AGBL1: variants seen among roughly 807,000 people sequenced by gnomAD.
The protein encoded by AGBL1 is cytosolic carboxypeptidase 4.
AGBL1 carries 130 observed loss-of-function variants against 118.9 expected under a neutral mutation model. The observed-to-expected ratio is 1.09, with a 90% CI of 0.95 to 1.26. The LOEUF (loss-of-function observed/expected upper bound fraction) is 1.26. Ranked by LOEUF, AGBL1 falls within the 50% of genes most tolerant of loss-of-function variation. AGBL1 has a pLI of 0.00. For synonymous variants in AGBL1, 555 were observed against 478.9 expected (o/e 1.16, Z -2.08); for missense variants, 1,584 against 1,298.1 (o/e 1.22, Z -3.38).
At chr15:86,413,381 G>T (rs2081648123) in intron 18 of AGBL1, among the ~76,000 whole-genome samples, 3 of 152,120 alleles carry the variant, frequency 2.0e-5, no homozygotes, top group African/African-American at 7.2e-5. Flanking sequence ...GCAAAGATAA[G>T]TTATTCATTA....
chr15:86,986,621 G>A (rs1191920354), intron 23 of AGBL1, among the ~76,000 whole-genome samples: 2 of 152,014 alleles, frequency 1.3e-5, no homozygotes, highest in East Asian at 3.9e-4. Context: ...TTTAGACTGG[G>A]GTTGTGTCGA....
At chr15:86,230,591 A>G (rs2078440224) in intron 6 of AGBL1, among the ~76,000 whole-genome samples, 1 of 152,170 alleles carries the variant, frequency 6.6e-6, no homozygotes, top group Admixed American at 6.5e-5. Context: ...AGTTTTGCCC[A>G]CAGAGTGTAT....
chr15:86,651,258 G>A (rs542639460), intron 21 of AGBL1, among the ~76,000 whole-genome samples: 1 of 152,248 alleles, frequency 6.6e-6, no homozygotes, highest in East Asian at 1.9e-4. Context: ...GGGCCCTGCA[G>A]GGGTCACGTT....
chr15:86,255,537 T>A (rs1423712626), intron 7 of AGBL1, among the ~76,000 whole-genome samples: 4 of 152,186 alleles, frequency 2.6e-5, no homozygotes, highest in Non-Finnish European at 5.9e-5. Context: ...ATCCCAGTAC[T>A]TTGGGAGACT....
chr15:86,828,478 C>G (rs7173274), intron 22 of AGBL1, among the ~76,000 whole-genome samples: 2 of 151,954 alleles, frequency 1.3e-5, no homozygotes, highest in Non-Finnish European at 2.9e-5. Flanking sequence ...TTAGAAGGGC[C>G]AGAGTCAGAA....
chr15:86,450,672 C>A (rs1382800642), intron 18 of AGBL1, among the ~76,000 whole-genome samples: 7 of 152,170 alleles, frequency 4.6e-5, no homozygotes, highest in Non-Finnish European at 8.8e-5. Context: ...GACTCAAATT[C>A]TGGCTTAGTT....
At chr15:86,867,693 A>T (rs948251985) in intron 22 of AGBL1, among the ~76,000 whole-genome samples, 1 of 152,164 alleles carries the variant, frequency 6.6e-6, no homozygotes, top group African/African-American at 2.4e-5. Context: ...GCTCAATTTT[A>T]TTGTTCATGG....
chr15:86,323,436 C>G (rs1212137323), intron 17 of AGBL1, among the ~76,000 whole-genome samples: 2 of 151,348 alleles, frequency 1.3e-5, no homozygotes, highest in Non-Finnish European at 2.9e-5. Context: ...AATCAACTAA[C>G]TTCATTCTAA....
rs955632541 is a variant in AGBL1, at chr15:86,973,896, T to A, written c.3222-14091T>A. 7.1e-5 allele frequency among the ~76,000 whole-genome samples: 7 copies of A among 98,274 alleles called. No homozygotes were observed. The South Asian group carries it at 1.7e-3, about 24-fold the overall frequency. 64.5% of individuals were successfully genotyped at this position (98,274 alleles called of 152,430 possible). On this transcript the variant is annotated intron_variant, in intron 23 of 24. Coordinates refer to the AGBL1 transcript ENST00000441037. ...GCAATGTGCCATGAATATATACATA[T>A]ATATATTAAATATAAACATATTTAA...
intron 21 of AGBL1, among the ~76,000 whole-genome samples, chr15:86,661,257 C>T (rs972785523): frequency 1.3e-5 from 2 of 152,026 alleles, no homozygotes; most frequent in Non-Finnish European, 2.9e-5. Context: ...CTTTAAATGT[C>T]CACCCTGGAC....
At chr15:86,937,536 T>C (rs2080691266) in intron 23 of AGBL1, among the ~76,000 whole-genome samples, 1 of 152,046 alleles carries the variant, frequency 6.6e-6, no homozygotes. Flanking sequence ...CCTCAGCAAA[T>C]TAAAATAGGA....
chr15:86,954,599 T>G (rs1449544509), intron 23 of AGBL1, among the ~76,000 whole-genome samples: 2 of 152,142 alleles, frequency 1.3e-5, no homozygotes, highest in African/African-American at 4.8e-5. Context: ...AGCTAAACAT[T>G]GAGCACACCT....
At chr15:86,810,348 A>G (rs1211299547) in intron 22 of AGBL1, among the ~76,000 whole-genome samples, 1 of 152,098 alleles carries the variant, frequency 6.6e-6, no homozygotes, top group Non-Finnish European at 1.5e-5. Context: ...TGTCTGCAAC[A>G]CCCAGTCTAT....
At chr15:86,682,597 T>C (rs2085980701) in intron 22 of AGBL1, among the ~76,000 whole-genome samples, 1 of 152,028 alleles carries the variant, frequency 6.6e-6, no homozygotes. Flanking sequence ...AGAATATTAC[T>C]CAAGACAATA....
chr15:86,307,935 A>G (rs899296333), intron 17 of AGBL1, among the ~76,000 whole-genome samples: 2 of 152,124 alleles, frequency 1.3e-5, no homozygotes, highest in African/African-American at 4.8e-5. Flanking sequence ...TTTCACTCAT[A>G]CTACCTCAGA....
chr15:86,528,567 A>G (rs971055041), intron 19 of AGBL1, among the ~76,000 whole-genome samples: 1 of 142,370 alleles, frequency 7.0e-6, no homozygotes, highest in African/African-American at 2.7e-5. Context: ...GCTTAGGTAA[A>G]CAAAGCAGCC....
intron 4 of AGBL1, among the ~76,000 whole-genome samples, chr15:86,155,945 G>GC (rs1423466386): frequency 1.3e-5 from 2 of 151,614 alleles, no homozygotes; most frequent in Non-Finnish European, 2.9e-5. Context: ...TTTTTGAGAT[G>GC]AAGTCTCACT....
chr15:86,654,101 C>T (rs769887652), intron 21 of AGBL1, among the ~76,000 whole-genome samples: 2 of 151,976 alleles, frequency 1.3e-5, no homozygotes, highest in African/African-American at 2.4e-5. Context: ...AATCAAAATG[C>T]GAAGATTTTA....
In AGBL1 at chr15:86,952,868, G is replaced by A. The variant is rs371988252; in HGVS notation, c.3222-35119G>A. 3.9e-5 allele frequency among the ~76,000 whole-genome samples: 6 copies of A among 152,112 alleles called. No individual in the cohort carries two copies. The East Asian group carries it at 1.2e-3, about 29-fold the overall frequency. ...AGTTAATTTTTGTATATAGTGAAAG[G>A]TAAGGGTCCAGTTTCATTCTGCATA... On this transcript the variant is annotated intron_variant, in intron 23 of 24. Coordinates refer to the AGBL1 transcript ENST00000441037.
Sources: allele counts gnomAD v4.1 joint callset (sites outside exome capture counted in the v4.1 genomes callset), GRCh38; gene constraint gnomAD v4.1.1; transcripts MANE v1.5; gene names NCBI Gene and HGNC (gene_info 2026-07-23, HGNC 2026-07-21).